The following PRICKLE2 variants were observed in gnomAD, a reference collection of about 807,000 sequenced individuals.
The protein encoded by PRICKLE2 is prickle planar cell polarity protein 2.
A neutral mutation model predicts 81.4 loss-of-function variants in PRICKLE2; 21 were observed. That is an observed-to-expected ratio of 0.26 (90% CI 0.18 to 0.37). PRICKLE2 has a LOEUF of 0.37. Ranked by LOEUF, PRICKLE2 falls within the 10% of genes least tolerant of loss-of-function variation. The pLI, the probability that PRICKLE2 is intolerant of heterozygous loss-of-function variation, is 1.00. For synonymous variants in PRICKLE2, 456 were observed against 421.5 expected (o/e 1.08, Z -1.00); for missense variants, 940 against 1,109.0 (o/e 0.85, Z 2.16).
rs1393447365 is a variant in PRICKLE2 at position 64,175,366 on chromosome 3, T to A, written c.145-12237A>T. Among the ~76,000 whole-genome samples the A allele has an allele frequency of 2.0e-5, 3 of 152,218 alleles. No individual in the cohort carries two copies. In the East Asian group the frequency reaches 5.8e-4, roughly 29 times the overall value. ...GTGTAAGGAGTCTTTAGTGGAAATA[T>A]CTTGATGGCTAGCTAGTTAGTTTCT... On this transcript the variant is annotated intron_variant, in intron 2 of 7. Coordinates refer to ENST00000638394, the MANE Select transcript of PRICKLE2 (RefSeq NM_198859.4).
At chr3:64,122,421 T>C (rs1279191170) in intron 7 of PRICKLE2, among the ~76,000 whole-genome samples, 3 of 152,210 alleles carry the variant, frequency 2.0e-5, no homozygotes, top group African/African-American at 4.8e-5. Context: ...TCCCCAGTCC[T>C]GTCCCAGACC....
At chr3:64,199,640 T>C (rs2107116835) in intron 1 of PRICKLE2, 1 of 152,454 alleles carries the variant, frequency 6.6e-6, no homozygotes, top group East Asian at 1.9e-4. Flanking sequence ...TACAAGAAGA[T>C]CATGCATGTG....
At chr3:64,218,585 T>C (rs1221528442) in intron 1 of PRICKLE2, among the ~76,000 whole-genome samples, 1 of 152,138 alleles carries the variant, frequency 6.6e-6, no homozygotes, top group Non-Finnish European at 1.5e-5. Context: ...TCAAGTAAAA[T>C]ACAGCACATA....
intron 7 of PRICKLE2, among the ~76,000 whole-genome samples, chr3:64,137,004 A>G (rs1478261443): frequency 6.6e-6 from 1 of 152,238 alleles, no homozygotes; most frequent in Non-Finnish European, 1.5e-5. Context: ...GCAGGCCACA[A>G]ACTATTCACT....
intron 1 of PRICKLE2, among the ~76,000 whole-genome samples, chr3:64,207,844 G>T (rs1249689362): frequency 1.3e-5 from 2 of 152,160 alleles, no homozygotes; most frequent in African/African-American, 2.4e-5. Flanking sequence ...TTTGAATTGT[G>T]TCTTTGTACG....
intron 2 of PRICKLE2, among the ~76,000 whole-genome samples, chr3:64,237,607 G>A (rs1342185138): frequency 2.6e-5 from 4 of 152,108 alleles, no homozygotes. Context: ...GCTACAGGAT[G>A]GGAGGTGGGG....
intron 5 of PRICKLE2, among the ~76,000 whole-genome samples, chr3:64,155,603 T>C (rs919231021): frequency 2.0e-5 from 3 of 152,084 alleles, no homozygotes; most frequent in Non-Finnish European, 4.4e-5. Context: ...TTGTTTAGAG[T>C]AGCCAAAAAG....
intron 2 of PRICKLE2, among the ~76,000 whole-genome samples, chr3:64,167,095 T>C (rs2077846583): frequency 6.6e-6 from 1 of 152,196 alleles, no homozygotes; most frequent in African/African-American, 2.4e-5. Context: ...GGGAAAATAC[T>C]GAGTATACTT....
chr3:64,235,765 T>C (rs2079171830), intron 2 of PRICKLE2, among the ~76,000 whole-genome samples: 1 of 152,258 alleles, frequency 6.6e-6, no homozygotes, highest in East Asian at 1.9e-4. Flanking sequence ...TCTGATCTGA[T>C]GAAAGCTGGG....
chr3:64,108,310 A>C (rs920165622), intron 7 of PRICKLE2, among the ~76,000 whole-genome samples: 1 of 152,196 alleles, frequency 6.6e-6, no homozygotes, highest in African/African-American at 2.4e-5. Context: ...CCCAAGGTAC[A>C]TATTTGTTTG....
intron 7 of PRICKLE2, among the ~76,000 whole-genome samples, chr3:64,115,947 T>C (rs185211314): frequency 6.6e-6 from 1 of 152,206 alleles, no homozygotes; most frequent in Admixed American, 6.5e-5. Context: ...CAATCAGAAG[T>C]AAAATTCTCC....
intron 2 of PRICKLE2, among the ~76,000 whole-genome samples, chr3:64,175,320 T>C (rs17721368): frequency 0.2 from 30,002 of 152,198 alleles, 3,285 homozygotes; most frequent in Non-Finnish European, 0.24. Context: ...CTAAGGTTTT[T>C]TTAAACATGG....
intron 7 of PRICKLE2, chr3:64,102,047 A>G (rs546955705): frequency 1.3e-5 from 2 of 152,318 alleles, no homozygotes; most frequent in South Asian, 2.1e-4. Context: ...TATTACCCGA[A>G]TGCATTCAGG....
intron 2 of PRICKLE2, among the ~76,000 whole-genome samples, chr3:64,196,205 G>A (rs915157248): frequency 6.6e-6 from 1 of 152,148 alleles, no homozygotes; most frequent in Admixed American, 6.5e-5. Context: ...CTCTGAATCT[G>A]CATTTCAGGG....
At chr3:64,153,801 C>T (rs1356673010) in intron 5 of PRICKLE2, 3 of 209,902 alleles carry the variant, frequency 1.4e-5, no homozygotes, top group African/African-American at 4.7e-5. Context: ...ATGCTCAGTG[C>T]ACATTCCTAC....
chr3:64,139,620 C>T (rs1157719910), intron 7 of PRICKLE2, among the ~76,000 whole-genome samples: 1 of 152,238 alleles, frequency 6.6e-6, no homozygotes, highest in Non-Finnish European at 1.5e-5. Flanking sequence ...GATCATGTCA[C>T]CTCCCTCACT....
At chr3:64,158,373 T>G (rs2077673131) in intron 4 of PRICKLE2, among the ~76,000 whole-genome samples, 1 of 152,230 alleles carries the variant, frequency 6.6e-6, no homozygotes, top group South Asian at 2.1e-4. Flanking sequence ...AAAGGCATCA[T>G]GTTATCCTTA....
chr3:64,255,277 A>G (rs2079510038), intron 2 of PRICKLE2, among the ~76,000 whole-genome samples: 1 of 152,198 alleles, frequency 6.6e-6, no homozygotes, highest in Non-Finnish European at 1.5e-5. Context: ...ATGTGACTAG[A>G]GAAAAAGTTT....
At chr3:64,153,141 C>A (rs752016772) in intron 6 of PRICKLE2, 41 bp downstream of exon 6, 7 of 1,575,522 alleles carry the variant, frequency 4.4e-6, no homozygotes, top group Non-Finnish European at 6.1e-6. Context: ...AAGGTGACCG[C>A]ATCACAGAAG....
Sources: allele counts gnomAD v4.1 joint callset (sites outside exome capture counted in the v4.1 genomes callset), GRCh38; gene constraint gnomAD v4.1.1; transcripts MANE v1.5; gene names NCBI Gene and HGNC (gene_info 2026-07-23, HGNC 2026-07-21).